KCNQ3: variants seen among roughly 807,000 people sequenced by gnomAD.
KCNQ3 encodes potassium voltage-gated channel subfamily KQT member 3.
A neutral mutation model predicts 92.5 loss-of-function variants in KCNQ3; 30 were observed. The ratio of observed to expected loss-of-function variants is 0.32; its 90% CI spans 0.24 to 0.44. The LOEUF (loss-of-function observed/expected upper bound fraction) is 0.44. KCNQ3 is among the 20% of genes least tolerant of loss of function. The pLI is 1.00. For missense variants in KCNQ3, 913 were observed against 1,140.3 expected, an observed-to-expected ratio of 0.80 and a Z score of 2.87; for synonymous variants, 450 against 468.8, an observed-to-expected ratio of 0.96 and a Z score of 0.52.
chr8:132,290,578 G>A (rs1816809918), intron 1 of KCNQ3, among the ~76,000 whole-genome samples: 1 of 152,168 alleles, frequency 6.6e-6, no homozygotes, highest in African/African-American at 2.4e-5. Context: ...CTAAGGGGTG[G>A]CATTGGAGAT....
chr8:132,179,125 G>T (rs143012482), intron 4 of KCNQ3, among the ~76,000 whole-genome samples: 190 of 150,428 alleles, frequency 1.3e-3, no homozygotes, highest in African/African-American at 4.5e-3. Flanking sequence ...TGAGACACAG[G>T]GGTTTTCCTT....
rs538876282 is a variant in KCNQ3 at position 132,123,810 on chromosome 8, C to T, written c.*5452G>A. 1 of 152,170 alleles carries T rather than the reference C, an allele frequency of 6.6e-6. No individual in the cohort carries two copies. The highest frequency in any genetic ancestry group is 1.5e-5 in the Non-Finnish European group (1 of 68,036). The allele number at this position is 152,170 out of a possible 1,614,324, so 9.4% of individuals were successfully genotyped here. On this transcript the variant is annotated 3_prime_UTR_variant, in exon 15 of 15. Transcript: ENST00000388996. ...TCCATGAAATTATGTCTCTTTGCAT[C>T]TATGATAACAAATCAAAATATGAAT...
chr8:132,413,745 G>A (rs2130800772), intron 1 of KCNQ3, among the ~76,000 whole-genome samples: 1 of 152,324 alleles, frequency 6.6e-6, no homozygotes, highest in South Asian at 2.1e-4. Flanking sequence ...TGTCACATAT[G>A]GCACAGGCAG....
intron 1 of KCNQ3, among the ~76,000 whole-genome samples, chr8:132,197,013 ATTTTT>A (rs200485313): frequency 2.9e-5 from 4 of 139,044 alleles, no homozygotes; most frequent in Non-Finnish European, 6.3e-5. Context: ...TGTCTCATGG[ATTTTT>A]TTTTTTTTTT....
intron 1 of KCNQ3, among the ~76,000 whole-genome samples, chr8:132,413,038 C>A (rs549891691): frequency 6.6e-6 from 1 of 152,300 alleles, no homozygotes; most frequent in South Asian, 2.1e-4. Flanking sequence ...TTGCATAAGT[C>A]AAAGGACGAA....
chr8:132,142,021 G>A (rs1034659156), intron 9 of KCNQ3, among the ~76,000 whole-genome samples: 5 of 152,142 alleles, frequency 3.3e-5, no homozygotes, highest in African/African-American at 1.2e-4. Flanking sequence ...TACTGTTTAT[G>A]CTCATGCTGG....
intron 1 of KCNQ3, among the ~76,000 whole-genome samples, chr8:132,322,342 C>T (rs1817919404): frequency 6.6e-6 from 1 of 152,128 alleles, no homozygotes; most frequent in Non-Finnish European, 1.5e-5. Flanking sequence ...GCTTGGAGGA[C>T]ATCCCTGCTG....
chr8:132,413,964 T>A (rs1243710098), intron 1 of KCNQ3, among the ~76,000 whole-genome samples: 1 of 152,196 alleles, frequency 6.6e-6, no homozygotes, highest in Non-Finnish European at 1.5e-5. Flanking sequence ...AGACTGGTGA[T>A]GAATTATTCA....
chr8:132,410,437 C>T (rs556872759), intron 1 of KCNQ3, among the ~76,000 whole-genome samples: 1 of 152,324 alleles, frequency 6.6e-6, no homozygotes, highest in East Asian at 1.9e-4. Flanking sequence ...TTAGCTGTTG[C>T]TGCCAGATGG....
At chr8:132,282,630 CT>C (rs1158055935) in intron 1 of KCNQ3, among the ~76,000 whole-genome samples, 1 of 152,188 alleles carries the variant, frequency 6.6e-6, no homozygotes, top group African/African-American at 2.4e-5. Context: ...AAGACTCATG[CT>C]TTGCCAGGGC....
At chr8:132,187,432 C>T (rs906623345) in intron 1 of KCNQ3, among the ~76,000 whole-genome samples, 5 of 152,178 alleles carry the variant, frequency 3.3e-5, no homozygotes, top group Non-Finnish European at 7.3e-5. Flanking sequence ...CTTAGTGATC[C>T]TGATCATATT....
chr8:132,422,421 T>A (rs1470480029), intron 1 of KCNQ3, among the ~76,000 whole-genome samples: 1 of 152,194 alleles, frequency 6.6e-6, no homozygotes, highest in South Asian at 2.1e-4. Context: ...CCTCAAAGCA[T>A]ATGTTTTGCA....
intron 1 of KCNQ3, chr8:132,186,655 C>CTGTGACCAAGTATGAATAT: frequency 9.9e-6 from 3 of 303,582 alleles, no homozygotes; most frequent in Non-Finnish European, 1.9e-5. Flanking sequence ...GCAAAGGCTT[C>CTGTGACCAAGTATGAATAT]TGTGACCAAG....
chr8:132,139,700 T>C (rs1252296725), intron 11 of KCNQ3, among the ~76,000 whole-genome samples: 1 of 152,208 alleles, frequency 6.6e-6, no homozygotes, highest in African/African-American at 2.4e-5. Flanking sequence ...TGGATGAAGT[T>C]AGGCAGAAGA....
chr8:132,253,724 C>A (rs1388824978), intron 1 of KCNQ3, among the ~76,000 whole-genome samples: 2 of 152,214 alleles, frequency 1.3e-5, no homozygotes, highest in Non-Finnish European at 2.9e-5. Context: ...TCTAACCATT[C>A]AGTTTTCTCT....
At chr8:132,409,680 C>T (rs998612969) in intron 1 of KCNQ3, among the ~76,000 whole-genome samples, 3 of 152,212 alleles carry the variant, frequency 2.0e-5, no homozygotes, top group African/African-American at 7.2e-5. Context: ...CTGAACACCT[C>T]ACCATTTATC....
intron 1 of KCNQ3, among the ~76,000 whole-genome samples, chr8:132,431,379 G>A (rs550581417): frequency 3.3e-5 from 5 of 152,278 alleles, no homozygotes; most frequent in Non-Finnish European, 5.9e-5. Flanking sequence ...TTGCTGCAAC[G>A]TTCCAGTAAA....
At chr8:132,169,752 G>T (rs1826258003) in intron 8 of KCNQ3, among the ~76,000 whole-genome samples, 1 of 152,234 alleles carries the variant, frequency 6.6e-6, no homozygotes, top group Non-Finnish European at 1.5e-5. Flanking sequence ...GCTGCACAGA[G>T]GAATCACCTG....
chr8:132,182,279 T>C (rs1390900561), intron 3 of KCNQ3, among the ~76,000 whole-genome samples: 3 of 152,326 alleles, frequency 2.0e-5, no homozygotes, highest in African/African-American at 7.2e-5. Context: ...TAGTAAACAC[T>C]ATGGTCTAAG....
Sources: gnomAD v4.1 joint callset for allele counts (sites outside exome capture counted in the v4.1 genomes callset) on GRCh38, gnomAD v4.1.1 for gene constraint, MANE v1.5 for transcripts, NCBI Gene and HGNC (gene_info 2026-07-23, HGNC 2026-07-21) for gene names.